Variants in ZNF727 observed in about 807,000 individuals in gnomAD.
The protein encoded by ZNF727 is putative zinc finger protein 727.
In ZNF727, 11 loss-of-function variants were observed where a neutral mutation model predicts 11.5. The observed-to-expected ratio is 0.95, with a 90% CI of 0.60 to 1.58. ZNF727 has a LOEUF of 1.58. Ranked by LOEUF, ZNF727 falls within the 40% of genes most tolerant of loss-of-function variation. The pLI is 0.00. For missense variants in ZNF727, 533 were observed against 581.7 expected (o/e 0.92, Z 0.86); for synonymous variants, 171 against 196.1 (o/e 0.87, Z 1.07).
At position 64,080,895 on chromosome 7, in the gene ZNF727, T is replaced by TTTGTTTTTGTTTTTG. The variant is rs538620987; in HGVS notation, c.*2348_*2349insGTTTTTGTTTTTGTT. Among the ~76,000 whole-genome samples the TTTGTTTTTGTTTTTG allele has an allele frequency of 1.9e-3, 292 of 151,902 alleles. 1 individual carries two copies. The highest frequency in any genetic ancestry group is 6.8e-3 in the African/African-American group (283 of 41,422). ...TTGTTTTTTGTTTTTTGTTTTTGTT[T>TTTGTTTTTGTTTTTG]TTTTTTTTGTGGTGGTGGAGGGGGC... is the stretch of plus-strand genomic sequence containing the variant. On this transcript the variant is annotated 3_prime_UTR_variant, in exon 4 of 4. Coordinates refer to ENST00000456806, the MANE Select transcript of ZNF727 (RefSeq NM_001159522.3).
chr7:64,057,815 A>G (rs1789709553), intron 1 of ZNF727, among the ~76,000 whole-genome samples: 1 of 152,176 alleles, frequency 6.6e-6, no homozygotes, highest in Non-Finnish European at 1.5e-5. Context: ...TGAAAACATC[A>G]TAATCTGATC....
chr7:64,062,683 T>C (rs1789789833), intron 1 of ZNF727, among the ~76,000 whole-genome samples: 1 of 125,108 alleles, frequency 8.0e-6, no homozygotes, highest in African/African-American at 3.0e-5. Flanking sequence ...TTCTTGTACT[T>C]GAATATATAT....
At chr7:64,052,103 C>T (rs1789607978) in intron 1 of ZNF727, among the ~76,000 whole-genome samples, 1 of 152,172 alleles carries the variant, frequency 6.6e-6, no homozygotes, top group Non-Finnish European at 1.5e-5. Flanking sequence ...CAAAGGTGAT[C>T]ATGGCCAGAG....
intron 3 of ZNF727, among the ~76,000 whole-genome samples, chr7:64,072,164 C>T (rs1285193009): frequency 6.6e-6 from 1 of 151,750 alleles, no homozygotes; most frequent in Non-Finnish European, 1.5e-5. Flanking sequence ...CTAAATTTTC[C>T]AATTTTATAG....
At position 64,070,258 on chromosome 7, in the gene ZNF727, A is replaced by G. The variant is rs575559759; in HGVS notation, c.226+649A>G. Among the ~76,000 whole-genome samples, 8 of 152,252 alleles carry G rather than the reference A, an allele frequency of 5.3e-5. 1 individual carries two copies. The East Asian group carries it at 1.4e-3, about 26-fold the overall frequency. On this transcript the variant is annotated intron_variant, in intron 3 of 3. Coordinates refer to ENST00000456806, the MANE Select transcript of ZNF727 (RefSeq NM_001159522.3). Reference sequence around the variant, plus strand: ...AAACAAATGTTGGCAAATGTGGCCAAATTCCTCAACTGTAATATAGTTCAG... The same window carrying G: ...AAACAAATGTTGGCAAATGTGGCCAGATTCCTCAACTGTAATATAGTTCAG...
chr7:64,054,994 G>A (rs956729085), intron 1 of ZNF727, among the ~76,000 whole-genome samples: 2 of 151,854 alleles, frequency 1.3e-5, no homozygotes, highest in Admixed American at 1.3e-4. Context: ...TGTATTTATT[G>A]TAGCTTTGGT....
chr7:64,045,616 T>C lies in ZNF727; in HGVS notation c.-6T>C, dbSNP rs1258244657. On this transcript the variant is annotated 5_prime_UTR_variant, in exon 1 of 4. Transcript: ENST00000456806. ...GGAAGAAGGCGGAACATCCGGAGGC[T>C]GGGAAATGGTGAGTGCGCGGAGTGG... is the stretch of plus-strand genomic sequence containing the variant. 3 of 1,558,680 alleles carry C rather than the reference T, an allele frequency of 1.9e-6. No homozygotes were observed. The South Asian group carries it at 3.6e-5, about 18-fold the overall frequency.
At chr7:64,050,013 G>A (rs1273938740) in intron 1 of ZNF727, among the ~76,000 whole-genome samples, 1 of 151,370 alleles carries the variant, frequency 6.6e-6, no homozygotes, top group Non-Finnish European at 1.5e-5. Flanking sequence ...ATCCATTTTT[G>A]TATTACTGTA....
intron 1 of ZNF727, among the ~76,000 whole-genome samples, chr7:64,060,363 A>G (rs1433319980): frequency 6.6e-6 from 1 of 152,212 alleles, no homozygotes; most frequent in East Asian, 1.9e-4. Flanking sequence ...AAACACAGAG[A>G]TACGCACAAG....
intron 3 of ZNF727, among the ~76,000 whole-genome samples, chr7:64,071,832 G>A (rs1789966570): frequency 6.6e-6 from 1 of 151,800 alleles, no homozygotes; most frequent in Admixed American, 6.6e-5. Flanking sequence ...CCCAAGCATG[G>A]AAGAGACTGT....
At position 64,081,213 on chromosome 7, in the gene ZNF727, G is replaced by T. The variant is rs912918304; in HGVS notation, c.*2664G>T. On this transcript the variant is annotated 3_prime_UTR_variant, in exon 4 of 4. Coordinates refer to ENST00000456806, the MANE Select transcript of ZNF727 (RefSeq NM_001159522.3). ...ACTGTGTGCTATTTCACTAAAGGTG[G>T]TGTTGGCTTGGGGCAGGATACTGGC... Among the ~76,000 whole-genome samples the T allele has an allele frequency of 1.2e-4, 18 of 152,220 alleles. No individual in the cohort carries two copies. Among genetic ancestry groups the T allele is most frequent in the African/African-American group, 2.2e-4 (9 of 41,552 alleles).
intron 1 of ZNF727, among the ~76,000 whole-genome samples, chr7:64,053,407 G>A (rs890697674): frequency 3.3e-5 from 5 of 152,048 alleles, no homozygotes; most frequent in South Asian, 2.1e-4. Context: ...TGCAATCTCC[G>A]CCTCCTGGGT....
rs1177952358 is a variant in ZNF727, at chr7:64,078,978, A to G, written c.*429A>G. ...AAACATAAGAGAATTCATACTGGAGAGACACCCTACATCCATGAAGAATGT... is the reference window on the plus strand; with the variant it reads ...AAACATAAGAGAATTCATACTGGAGGGACACCCTACATCCATGAAGAATGT... On this transcript the variant is annotated 3_prime_UTR_variant, in exon 4 of 4. Transcript: ENST00000456806. Among the ~76,000 whole-genome samples the G allele has an allele frequency of 6.6e-6, 1 of 152,116 alleles. No individual in the cohort carries two copies. The highest frequency in any genetic ancestry group is 1.5e-5 in the Non-Finnish European group (1 of 68,008).
chr7:64,068,563 C>T (rs772643621), intron 1 of ZNF727, among the ~76,000 whole-genome samples: 6 of 152,150 alleles, frequency 3.9e-5, no homozygotes, highest in Non-Finnish European at 5.9e-5. Context: ...TTTTAACTCA[C>T]CATGAAGTTT....
intron 3 of ZNF727, among the ~76,000 whole-genome samples, chr7:64,071,457 T>C (rs1286085548): frequency 1.3e-5 from 2 of 152,052 alleles, no homozygotes; most frequent in Non-Finnish European, 2.9e-5. Flanking sequence ...AATCTTGTTA[T>C]TATTACTGCT....
At chr7:64,075,685 A>G (rs1790028781) in intron 3 of ZNF727, among the ~76,000 whole-genome samples, 2 of 152,288 alleles carry the variant, frequency 1.3e-5, no homozygotes, top group Admixed American at 6.5e-5. Flanking sequence ...AATATTGGGT[A>G]TACATGGATA....
At chr7:64,047,906 C>T (rs3925691) in intron 1 of ZNF727, among the ~76,000 whole-genome samples, 96,629 of 151,520 alleles carry the variant, frequency 0.64, 31,517 homozygotes, top group Non-Finnish European at 0.71. Flanking sequence ...ATAGGAAAGA[C>T]CCACCCTAGT....
At chr7:64,060,880 A>G (rs2116292688) in intron 1 of ZNF727, among the ~76,000 whole-genome samples, 1 of 151,384 alleles carries the variant, frequency 6.6e-6, no homozygotes, top group Non-Finnish European at 1.5e-5. Flanking sequence ...TATGTTTTTC[A>G]TTTCTTTCAA....
chr7:64,073,362 A>G (rs1789993116), intron 3 of ZNF727, among the ~76,000 whole-genome samples: 1 of 147,224 alleles, frequency 6.8e-6, no homozygotes, highest in African/African-American at 2.5e-5. Flanking sequence ...TAGTTTTCTG[A>G]TTTTTGTTTT....
Sources: gnomAD v4.1 joint callset for allele counts (sites outside exome capture counted in the v4.1 genomes callset) on GRCh38, gnomAD v4.1.1 for gene constraint, MANE v1.5 for transcripts, NCBI Gene and HGNC (gene_info 2026-07-23, HGNC 2026-07-21) for gene names.